PRICKLE3: variants seen among roughly 807,000 people sequenced by gnomAD.
The protein encoded by PRICKLE3 is LIM domain only protein 6.
PRICKLE3 carries 17 observed loss-of-function variants against 33.8 expected under a neutral mutation model. The observed-to-expected ratio is 0.50, with a 90% CI of 0.34 to 0.75. PRICKLE3 has a LOEUF of 0.75. Among genes scored for constraint, PRICKLE3 ranks in the 30% least tolerant of loss-of-function variants. PRICKLE3 has a pLI of 0.01. For synonymous variants in PRICKLE3, 211 were observed against 219.6 expected, an observed-to-expected ratio of 0.96 and a Z score of 0.34; for missense variants, 573 against 576.7, an observed-to-expected ratio of 0.99 and a Z score of 0.07.
rs1339654414 is a variant in PRICKLE3, at chrX:49,176,123, G to A, written c.1398C>T (p.Phe466=). Residue 466 remains phenylalanine, a synonymous_variant, in exon 9 of 9, where the codon TTC becomes TTT. Coordinates refer to ENST00000599218, the MANE Select transcript of PRICKLE3 (RefSeq NM_006150.5). ...TGACGCGTGGGGTGCTCTGACGACC[G>A]AAGGCACTATCATCTGGGCGCAGGT... The part of the protein sequence containing the change: ...QPNLRPDDSA[F]GRQSTPRVSF... 2 of 1,207,129 alleles carry A rather than the reference G, an allele frequency of 1.7e-6. No homozygotes were observed. The highest frequency in any genetic ancestry group is 3.0e-5 in the East Asian group (1 of 33,762).
chrX:49,181,563 A>G (rs781959331), intron 3 of PRICKLE3, among the ~76,000 whole-genome samples: 1 of 844 alleles, frequency 1.2e-3, no homozygotes, highest in African/African-American at 6.0e-3. Flanking sequence ...ATATATATAC[A>G]CGTATATATA....
At position 49,175,384 on chromosome X, in the gene PRICKLE3, G is replaced by A. The variant is rs376774283; in HGVS notation, c.*289C>T. 3.4e-6 allele frequency: 1 copy of A among 296,412 alleles called. No homozygotes were observed. The highest frequency in any genetic ancestry group is 5.7e-5 in the East Asian group (1 of 17,525). 24.4% of individuals were successfully genotyped at this position (296,412 alleles called of 1,213,427 possible). On this transcript the variant is annotated 3_prime_UTR_variant, in exon 9 of 9. Transcript: ENST00000599218. ...AAAAATTAAAAAATTAGCTGGGAAC[G>A]CTGACACGAGCCTGGAGTCCCAGCT...
Position 49,177,945 on chromosome X carries a change from C to A in PRICKLE3, c.955+48G>T, listed in dbSNP as rs140219890. The A allele has an allele frequency of 7.2e-5, 81 of 1,121,122 alleles. 1 individual carries two copies. The African/African-American group carries it at 1.4e-3, about 19-fold the overall frequency. 92.4% of individuals were successfully genotyped at this position (1,121,122 alleles called of 1,213,427 possible). ...GAGTCCTGGTGGGGTAGGACTGTGGCCCAGCTGTCCATCCATCCCTCTGTC... is the reference window on the plus strand; with the variant it reads ...GAGTCCTGGTGGGGTAGGACTGTGGACCAGCTGTCCATCCATCCCTCTGTC... On this transcript the variant is annotated intron_variant, in intron 7 of 8. Transcript: ENST00000599218.
intron 8 of PRICKLE3, 73 bp from the exon 9 acceptor site, chrX:49,176,338 G>A: frequency 1.2e-6 from 1 of 809,049 alleles, no homozygotes; most frequent in Non-Finnish European, 1.7e-6. Flanking sequence ...GAGGCCTGCG[G>A]AAGGGCCTTC....
chrX:49,182,934 C>A (rs1222642623), intron 3 of PRICKLE3, among the ~76,000 whole-genome samples: 1 of 108,902 alleles, frequency 9.2e-6, no homozygotes, highest in Non-Finnish European at 1.9e-5. Context: ...AACAATTCTC[C>A]TGCCTCAGCC....
chrX:49,179,843 T>C (rs1278588217), intron 3 of PRICKLE3, 37 bp from the exon 4 acceptor site: 2 of 817,123 alleles, frequency 2.4e-6, no homozygotes, highest in African/African-American at 4.2e-5. Context: ...ACAACTGAAA[T>C]GAGAGGTGAG....
intron 7 of PRICKLE3, 55 bp from the exon 8 acceptor site, chrX:49,177,257 A>G: frequency 9.5e-7 from 1 of 1,053,217 alleles, no homozygotes; most frequent in South Asian, 2.4e-5. Context: ...GCGTAACCCC[A>G]CCCCTCGTGA....
At position 49,177,217 on chromosome X, in the gene PRICKLE3, G is replaced by A. The variant is rs781790831; in HGVS notation, c.956-15C>T. The A allele has an allele frequency of 8.0e-6, 9 of 1,129,473 alleles. No homozygotes were observed. The highest frequency in any genetic ancestry group is 1.8e-5 in the African/African-American group (1 of 54,614). The allele number at this position is 1,129,473 out of a possible 1,213,427, so 93.1% of individuals were successfully genotyped here. ...TTGGTCCAGGCCTGTGGGGAACGAC[G>A]AGGGGGAAAAACTGAGGCAGAACCC... On this transcript the variant is annotated splice_polypyrimidine_tract_variant and intron_variant, in intron 7 of 8. Coordinates refer to ENST00000599218, the MANE Select transcript of PRICKLE3 (RefSeq NM_006150.5).
chrX:49,184,103 G>A (rs1557101557), intron 2 of PRICKLE3, among the ~76,000 whole-genome samples, 186 bp from the exon 3 acceptor site: 1 of 109,829 alleles, frequency 9.1e-6, no homozygotes, highest in African/African-American at 3.4e-5. Flanking sequence ...GTGTGGCTGG[G>A]CTGTGAGCCA....
intron 3 of PRICKLE3, among the ~76,000 whole-genome samples, chrX:49,181,569 A>G (rs1451115108): frequency 2.5e-5 from 2 of 79,182 alleles, no homozygotes; most frequent in African/African-American, 9.0e-5. Context: ...ATACACGTAT[A>G]TATACGTATA....
chrX:49,185,828 G>T lies in PRICKLE3; in HGVS notation c.42+428C>A, dbSNP rs2065480147. On this transcript the variant is annotated intron_variant, in intron 1 of 8. Transcript: ENST00000599218. ...AAGCAGGAGAATCGCTTGAACCCAGGAGGCGGAGGTTGCAGTGAGCGGAGA... is the reference window on the plus strand; with the variant it reads ...AAGCAGGAGAATCGCTTGAACCCAGTAGGCGGAGGTTGCAGTGAGCGGAGA... Among the ~76,000 whole-genome samples, 3 of 105,244 alleles carry T rather than the reference G, an allele frequency of 2.9e-5. No homozygotes were observed. In the South Asian group the frequency reaches 1.3e-3, roughly 47 times the overall value. The allele number at this position is 105,244 out of a possible 115,157, so 91.4% of individuals were successfully genotyped here.
chrX:49,177,142 A>G lies in PRICKLE3; in HGVS notation c.1016T>C (p.Phe339Ser). 1 of 1,201,048 alleles carries G rather than the reference A, an allele frequency of 8.3e-7. No homozygotes were observed. The highest frequency in any genetic ancestry group is 3.0e-5 in the East Asian group (1 of 33,393). Residue 339 changes from phenylalanine to serine, a missense_variant, in exon 8 of 9, where the codon TTC becomes TCC. Phe to Ser is a radical substitution (Grantham distance 155). Coordinates refer to ENST00000599218, the MANE Select transcript of PRICKLE3 (RefSeq NM_006150.5). The part of the protein sequence containing the change: ...GQHWHASDRC[F>S]CCSRCGRALL... ...GGCCCGCCCACAGCGACTACAGCAG[A>G]AGCAGCGGTCTGAGGCATGCCAGTG... is the stretch of plus-strand genomic sequence containing the variant.
chrX:49,175,942 T>C lies in PRICKLE3; in HGVS notation c.1579A>G (p.Ser527Gly), dbSNP rs151330444. The change falls in exon 9 of 9, where the codon AGC (serine) becomes GGC (glycine). Residue 527 changes from serine to glycine, a missense_variant. Physicochemically the swap from Ser to Gly is moderately conservative, Grantham distance 56 (BLOSUM62 0). Coordinates refer to ENST00000599218, the MANE Select transcript of PRICKLE3 (RefSeq NM_006150.5). Reference sequence around the variant, plus strand: ...TCACATTGATAGTGGCGACGTCTGCTTGGGTGGCGGTTGTGATGGTGATGG... The same window carrying C: ...TCACATTGATAGTGGCGACGTCTGCCTGGGTGGCGGTTGTGATGGTGATGG... ...NHHHHHNRHP[S>G]RRRHYQCDAG... 243 of 1,208,827 alleles carry C rather than the reference T, an allele frequency of 2.0e-4. No homozygotes were observed. The African/African-American group carries it at 3.4e-3, about 17-fold the overall frequency.
intron 3 of PRICKLE3, among the ~76,000 whole-genome samples, chrX:49,180,553 C>G (rs1557100854): frequency 9.0e-6 from 1 of 111,138 alleles, no homozygotes; most frequent in African/African-American, 3.3e-5. Flanking sequence ...GATGGTAGCA[C>G]TGCACCGAGC....
At chrX:49,185,048 C>G in intron 1 of PRICKLE3, 2 of 417,560 alleles carry the variant, frequency 4.8e-6, no homozygotes, top group Non-Finnish European at 7.4e-6. Context: ...CCCTATAATT[C>G]ATTGTACTCT....
chrX:49,183,988 A>G lies in PRICKLE3; in HGVS notation c.129-71T>C, dbSNP rs2065470545. ...CGAACCCCTCGGCAGCCCAGGTCCA[A>G]TGGAGGAGCGGGGACATACAGATTA... is the stretch of plus-strand genomic sequence containing the variant. On this transcript the variant is annotated intron_variant, in intron 2 of 8. Coordinates refer to ENST00000599218, the MANE Select transcript of PRICKLE3 (RefSeq NM_006150.5). The G allele has an allele frequency of 7.2e-6, 8 of 1,115,575 alleles. No homozygotes were observed. In the Admixed American group the frequency reaches 7.3e-5, roughly 10 times the overall value. The allele number at this position is 1,115,575 out of a possible 1,213,427, so 91.9% of individuals were successfully genotyped here.
chrX:49,182,195 C>T (rs112029126), intron 3 of PRICKLE3, among the ~76,000 whole-genome samples: 34 of 111,246 alleles, frequency 3.1e-4, no homozygotes, highest in African/African-American at 1.1e-3. Flanking sequence ...GATCCACTCG[C>T]CTCGGCCTCC....
chrX:49,184,793 T>C, intron 1 of PRICKLE3, 83 bp from the exon 2 acceptor site: 1 of 1,162,678 alleles, frequency 8.6e-7, no homozygotes, highest in Non-Finnish European at 1.2e-6. Context: ...CTCCACTTCA[T>C]TGCCCGCGAC....
Position 49,184,606 on chromosome X carries a change from C to T in PRICKLE3, c.128+19G>A, listed in dbSNP as rs1199286256. 1.8e-6 allele frequency: 2 copies of T among 1,095,676 alleles called. No homozygotes were observed. Among genetic ancestry groups the T allele is most frequent in the Non-Finnish European group, 2.4e-6 (2 of 835,856 alleles). The allele number at this position is 1,095,676 out of a possible 1,213,427, so 90.3% of individuals were successfully genotyped here. On this transcript the variant is annotated intron_variant, in intron 2 of 8. Transcript: ENST00000599218. ...GCGGAGCTCTGACAAAGGCGAGGCC[C>T]TTTAGGGGCGCCACTTACCTCCAGC...
Sources: gnomAD v4.1 joint callset for allele counts (sites outside exome capture counted in the v4.1 genomes callset) on GRCh38, gnomAD v4.1.1 for gene constraint, MANE v1.5 for transcripts, NCBI Gene and HGNC (gene_info 2026-07-23, HGNC 2026-07-21) for gene names.